Variants in SLC24A2 observed in about 807,000 individuals in gnomAD.
SLC24A2 encodes sodium/potassium/calcium exchanger 2.
SLC24A2 carries 36 observed loss-of-function variants against 62.0 expected under a neutral mutation model. The observed-to-expected ratio is 0.58, with a 90% CI of 0.44 to 0.77. The LOEUF (loss-of-function observed/expected upper bound fraction) is 0.77. Ranked by LOEUF, SLC24A2 falls within the 30% of genes least tolerant of loss-of-function variation. The pLI is 0.00. For synonymous variants in SLC24A2, 358 were observed against 294.0 expected (o/e 1.22, Z -2.23); for missense variants, 846 against 817.9 (o/e 1.03, Z -0.42).
At chr9:19,898,377 A>C in the SLC24A2 span, among the ~76,000 whole-genome samples, 1 of 152,130 alleles carries the variant, frequency 6.6e-6, no homozygotes, top group East Asian at 1.9e-4. Flanking sequence ...ATCCCATAAC[A>C]CTACCTTACC....
chr9:19,704,514 A>G (rs1820451908), intron 2 of SLC24A2, among the ~76,000 whole-genome samples: 1 of 152,214 alleles, frequency 6.6e-6, no homozygotes, highest in Non-Finnish European at 1.5e-5. Context: ...GTGTATTTGC[A>G]TCTATTATGA....
At chr9:20,200,845 G>A in the SLC24A2 span, among the ~76,000 whole-genome samples, 234 of 152,290 alleles carry the variant, frequency 1.5e-3, no homozygotes, top group Non-Finnish European at 2.7e-3. Flanking sequence ...CTTTTGGACC[G>A]TAGTGTTATG....
At chr9:19,675,121 T>A (rs1229388508) in intron 2 of SLC24A2, among the ~76,000 whole-genome samples, 3 of 152,160 alleles carry the variant, frequency 2.0e-5, no homozygotes, top group Admixed American at 2.0e-4. Flanking sequence ...GTGATTATTA[T>A]TTCTCTTCTG....
At chr9:20,213,395 AAACATT>A in the SLC24A2 span, among the ~76,000 whole-genome samples, 1 of 152,006 alleles carries the variant, frequency 6.6e-6, no homozygotes, top group South Asian at 2.1e-4. Flanking sequence ...AAAATATAAT[AAACATT>A]AAGTTTAAGA....
At chr9:19,976,176 G>T in the SLC24A2 span, among the ~76,000 whole-genome samples, 1 of 152,074 alleles carries the variant, frequency 6.6e-6, no homozygotes, top group African/African-American at 2.4e-5. Context: ...GAGCCACTAA[G>T]CCCAGTGCAA....
the SLC24A2 span, among the ~76,000 whole-genome samples, chr9:20,024,665 C>CGT: frequency 2.0e-5 from 3 of 151,994 alleles, no homozygotes; most frequent in African/African-American, 4.8e-5. Flanking sequence ...TATGAAAATA[C>CGT]GTGTGTGTGT....
At position 19,697,612 on chromosome 9, in the gene SLC24A2, C is replaced by T. The variant is rs527491704; in HGVS notation, c.931-75313G>A. 9.3e-4 allele frequency among the ~76,000 whole-genome samples: 141 copies of T among 152,232 alleles called. 1 individual carries two copies. In the South Asian group the frequency reaches 0.014, roughly 15 times the overall value. On this transcript the variant is annotated intron_variant, in intron 2 of 10. Coordinates refer to ENST00000341998, the MANE Select transcript of SLC24A2 (RefSeq NM_020344.4). ...AAGTAAATATTTTAATTTCCTTACA[C>T]TGGCTTAGCTAAAATTATCATTTTG...
chr9:19,929,937 G>T, the SLC24A2 span: 1 of 148,180 alleles, frequency 6.7e-6, no homozygotes, highest in Non-Finnish European at 1.5e-5. Flanking sequence ...CAGAAAAAAG[G>T]TTATAGAATA....
chr9:19,544,527 A>T (rs1264244965), intron 8 of SLC24A2, among the ~76,000 whole-genome samples: 1 of 151,876 alleles, frequency 6.6e-6, no homozygotes, highest in African/African-American at 2.4e-5. Flanking sequence ...TATAGTGTTG[A>T]TGGTCTTTAC....
the SLC24A2 span, among the ~76,000 whole-genome samples, chr9:19,980,323 A>G: frequency 1.3e-5 from 2 of 152,198 alleles, no homozygotes; most frequent in Non-Finnish European, 2.9e-5. Flanking sequence ...TTGAAGAAGC[A>G]AGCAGGGCAT....
chr9:20,080,142 G>A, the SLC24A2 span, among the ~76,000 whole-genome samples: 1 of 152,114 alleles, frequency 6.6e-6, no homozygotes, highest in Admixed American at 6.5e-5. Flanking sequence ...AATTCATATG[G>A]AACCAAAAAT....
chr9:19,864,347 C>G, the SLC24A2 span, among the ~76,000 whole-genome samples: 1 of 151,694 alleles, frequency 6.6e-6, no homozygotes, highest in Non-Finnish European at 1.5e-5. Context: ...TACCCTGATA[C>G]CCAAACAAGA....
intron 2 of SLC24A2, among the ~76,000 whole-genome samples, chr9:19,656,404 T>G (rs960094463): frequency 6.6e-6 from 1 of 152,234 alleles, no homozygotes; most frequent in African/African-American, 2.4e-5. Context: ...TTCAAAACTC[T>G]AGTATTATTT....
intron 6 of SLC24A2, among the ~76,000 whole-genome samples, chr9:19,574,470 A>G (rs1214830355): frequency 6.6e-6 from 1 of 152,040 alleles, no homozygotes; most frequent in Admixed American, 6.6e-5. Flanking sequence ...AAGTGACTCA[A>G]CCTCTCTGAA....
At chr9:20,023,209 C>G in the SLC24A2 span, among the ~76,000 whole-genome samples, 6 of 152,098 alleles carry the variant, frequency 3.9e-5, no homozygotes, top group African/African-American at 1.2e-4. Context: ...TGTATGGTCC[C>G]AAGGTTTGAA....
the SLC24A2 span, among the ~76,000 whole-genome samples, chr9:20,300,098 A>C: frequency 2.2e-4 from 33 of 152,344 alleles, no homozygotes; most frequent in African/African-American, 7.7e-4. Context: ...TGATGGTTGG[A>C]TAGATGGGCA....
chr9:19,965,911 C>G, the SLC24A2 span, among the ~76,000 whole-genome samples: 1 of 152,072 alleles, frequency 6.6e-6, no homozygotes, highest in African/African-American at 2.4e-5. Flanking sequence ...CATATTTCAC[C>G]CAAGAAACCT....
the SLC24A2 span, among the ~76,000 whole-genome samples, chr9:19,996,440 G>A: frequency 1.3e-5 from 2 of 151,994 alleles, no homozygotes; most frequent in South Asian, 2.1e-4. Context: ...CACTCTTGGC[G>A]TTAAAGAAGA....
intron 2 of SLC24A2, among the ~76,000 whole-genome samples, chr9:19,727,252 G>A (rs955280006): frequency 6.6e-6 from 1 of 151,972 alleles, no homozygotes; most frequent in African/African-American, 2.4e-5. Flanking sequence ...AAAGAAGAGG[G>A]GGATCTGTAT....
Sources: gnomAD v4.1 joint callset for allele counts (sites outside exome capture counted in the v4.1 genomes callset) on GRCh38, gnomAD v4.1.1 for gene constraint, MANE v1.5 for transcripts, NCBI Gene and HGNC (gene_info 2026-07-23, HGNC 2026-07-21) for gene names.